Variants in PRKG1 observed in about 807,000 individuals in gnomAD.
The protein encoded by PRKG1 is protein kinase cGMP-dependent 1, also known as cGMP-dependent protein kinase 1.
In PRKG1, 35 loss-of-function variants were observed where a neutral mutation model predicts 88.1. The ratio of observed to expected loss-of-function variants is 0.40; its 90% CI spans 0.30 to 0.53. The LOEUF (loss-of-function observed/expected upper bound fraction) is 0.53, where lower values mean the gene tolerates loss of function less well. PRKG1 is among the 20% of genes least tolerant of loss of function. PRKG1 has a pLI of 0.59. For missense variants in PRKG1, 540 were observed against 839.8 expected, an observed-to-expected ratio of 0.64 and a Z score of 4.41; for synonymous variants, 303 against 292.5, an observed-to-expected ratio of 1.04 and a Z score of -0.37.
chr10:51,906,025 A>G (rs751028818), intron 4 of PRKG1, among the ~76,000 whole-genome samples: 4 of 152,142 alleles, frequency 2.6e-5, no homozygotes, highest in African/African-American at 4.8e-5. Flanking sequence ...AGATCGTGAT[A>G]GGAGAACTTG....
intron 2 of PRKG1, among the ~76,000 whole-genome samples, chr10:51,255,161 A>C (rs1335040698): frequency 6.6e-6 from 1 of 152,134 alleles, no homozygotes; most frequent in Non-Finnish European, 1.5e-5. Context: ...ACAGAATTTT[A>C]AGAATATAAA....
At position 51,374,091 on chromosome 10, in the gene PRKG1, A is replaced by ATAT. The variant is rs1554801042; in HGVS notation, c.479-93632_479-93631insTAT. ...TGGCTGGCAGAGGTTGCAAAAAAAA[A>ATAT]AAATATATATATATATATATATGTA... On this transcript the variant is annotated intron_variant, in intron 2 of 17. Coordinates refer to ENST00000373980, the MANE Select transcript of PRKG1 (RefSeq NM_006258.4). Among the ~76,000 whole-genome samples the ATAT allele has an allele frequency of 4.9e-4, 32 of 64,832 alleles. 1 individual carries two copies. Among genetic ancestry groups the ATAT allele is most frequent in the South Asian group, 2.4e-3 (3 of 1,276 alleles). The allele number at this position is 64,832 out of a possible 152,430, so 42.5% of individuals were successfully genotyped here.
intron 3 of PRKG1, among the ~76,000 whole-genome samples, chr10:51,551,193 A>G (rs1837121532): frequency 1.3e-5 from 2 of 151,860 alleles, no homozygotes; most frequent in South Asian, 2.1e-4. Flanking sequence ...TGACAACTCT[A>G]CATATCATGC....
chr10:51,671,590 CTTT>C (rs757314460), intron 3 of PRKG1, among the ~76,000 whole-genome samples: 2 of 141,744 alleles, frequency 1.4e-5, no homozygotes, highest in Non-Finnish European at 1.5e-5. Context: ...CTCTCTCTCT[CTTT>C]TTTTTTTTTT....
intron 1 of PRKG1, among the ~76,000 whole-genome samples, chr10:51,066,276 C>T (rs1361862544): frequency 1.3e-5 from 2 of 151,916 alleles, no homozygotes; most frequent in Admixed American, 1.3e-4. Flanking sequence ...ATCCTGTGAC[C>T]CAGTCTAATT....
chr10:51,657,829 G>A (rs141025440), intron 3 of PRKG1, among the ~76,000 whole-genome samples: 39 of 152,232 alleles, frequency 2.6e-4, no homozygotes, highest in Non-Finnish European at 4.3e-4. Flanking sequence ...TTTAGCAGAC[G>A]GGACTGTTCT....
Position 51,735,873 on chromosome 10 carries a change from A to ATT in PRKG1, c.593-68711_593-68710insTT, listed in dbSNP as rs1375288893. Among the ~76,000 whole-genome samples the ATT allele has an allele frequency of 3.3e-4, 32 of 97,234 alleles. 1 individual carries two copies. Among genetic ancestry groups the ATT allele is most frequent in the South Asian group, 1.6e-3 (5 of 3,056 alleles). 63.8% of individuals were successfully genotyped at this position (97,234 alleles called of 152,430 possible). A position where few individuals can be genotyped will look rare whatever the true frequency, so the allele number is the denominator to read the frequency against. On this transcript the variant is annotated intron_variant, in intron 3 of 17. Transcript: ENST00000373980. ...TGACTGCATATATATATATATATAT[A>ATT]TATATATGTATATTTATTTATTTAT...
At chr10:52,157,552 T>C (rs539466383) in intron 8 of PRKG1, among the ~76,000 whole-genome samples, 2 of 151,250 alleles carry the variant, frequency 1.3e-5, no homozygotes. Context: ...TTCAGAAGAA[T>C]GTTTTGCCTT....
At chr10:51,774,247 G>C (rs1374190616) in intron 3 of PRKG1, among the ~76,000 whole-genome samples, 1 of 152,008 alleles carries the variant, frequency 6.6e-6, no homozygotes, top group East Asian at 1.9e-4. Context: ...TATAACACAT[G>C]TTTTTACACT....
chr10:51,142,919 T>A (rs1845855542), intron 1 of PRKG1, among the ~76,000 whole-genome samples: 1 of 152,114 alleles, frequency 6.6e-6, no homozygotes, highest in Non-Finnish European at 1.5e-5. Flanking sequence ...ATATATGCAT[T>A]TACAATGGTT....
intron 3 of PRKG1, among the ~76,000 whole-genome samples, chr10:51,770,995 C>A (rs1838289672): frequency 6.6e-6 from 1 of 152,174 alleles, no homozygotes; most frequent in Non-Finnish European, 1.5e-5. Flanking sequence ...GCCTGCTACA[C>A]CCCTAGGCTT....
chr10:51,271,038 C>G (rs1243434343), intron 2 of PRKG1, among the ~76,000 whole-genome samples: 1 of 152,142 alleles, frequency 6.6e-6, no homozygotes, highest in South Asian at 2.1e-4. Context: ...AATCTAAAAC[C>G]TTGAGTCATT....
At chr10:51,154,934 A>G (rs972923409) in intron 2 of PRKG1, among the ~76,000 whole-genome samples, 1 of 152,072 alleles carries the variant, frequency 6.6e-6, no homozygotes, top group Non-Finnish European at 1.5e-5. Flanking sequence ...GAATATAAAG[A>G]TAGAGGCAAT....
chr10:51,728,278 A>AAT (rs1447270079), intron 3 of PRKG1, among the ~76,000 whole-genome samples: 1 of 152,036 alleles, frequency 6.6e-6, no homozygotes, highest in African/African-American at 2.4e-5. Flanking sequence ...TATTGCCTAT[A>AAT]ATGCCCCCAA....
intron 2 of PRKG1, among the ~76,000 whole-genome samples, chr10:51,234,589 T>G (rs539377606): frequency 6.6e-6 from 1 of 152,286 alleles, no homozygotes; most frequent in Non-Finnish European, 1.5e-5. Context: ...AATTTGGCAT[T>G]TTTATTCTCC....
intron 3 of PRKG1, among the ~76,000 whole-genome samples, chr10:51,619,816 C>G (rs1839160799): frequency 2.6e-5 from 4 of 151,964 alleles, no homozygotes; most frequent in Admixed American, 1.3e-4. Flanking sequence ...CATTTCTAGT[C>G]CCTTATTTTT....
intron 2 of PRKG1, among the ~76,000 whole-genome samples, chr10:51,358,444 T>C (rs1842411815): frequency 6.6e-6 from 1 of 151,926 alleles, no homozygotes; most frequent in African/African-American, 2.4e-5. Flanking sequence ...TCTAAAGGAA[T>C]GTCAGTGTTC....
chr10:51,828,434 G>A (rs1839929524), intron 4 of PRKG1, among the ~76,000 whole-genome samples: 2 of 152,114 alleles, frequency 1.3e-5, no homozygotes, highest in African/African-American at 4.8e-5. Context: ...ACTGTTCACA[G>A]CATTTAAAGT....
intron 5 of PRKG1, among the ~76,000 whole-genome samples, chr10:51,958,927 T>C (rs575557393): frequency 6.6e-6 from 1 of 152,284 alleles, no homozygotes; most frequent in East Asian, 1.9e-4. Context: ...AAAACCTAAA[T>C]GGTGAGTGAT....
Sources: allele counts gnomAD v4.1 joint callset (sites outside exome capture counted in the v4.1 genomes callset), GRCh38; gene constraint gnomAD v4.1.1; transcripts MANE v1.5; gene names NCBI Gene and HGNC (gene_info 2026-07-23, HGNC 2026-07-21).